The following NRIP1 variants were observed in gnomAD, a reference collection of about 807,000 sequenced individuals.
The protein encoded by NRIP1 is nuclear receptor-interacting protein 1.
In NRIP1, 28 loss-of-function variants were observed where a neutral mutation model predicts 75.0. That is an observed-to-expected ratio of 0.37 (90% CI 0.28 to 0.51). The LOEUF is 0.51. Ranked by LOEUF, NRIP1 falls within the 20% of genes least tolerant of loss-of-function variation. NRIP1 has a pLI of 0.92. For missense variants in NRIP1, 1,435 were observed against 1,343.7 expected, an observed-to-expected ratio of 1.07 and a Z score of -1.06; for synonymous variants, 526 against 487.6, an observed-to-expected ratio of 1.08 and a Z score of -1.04.
intron 3 of NRIP1, among the ~76,000 whole-genome samples, chr21:14,981,537 A>G (rs2822992): frequency 0.17 from 26,050 of 152,050 alleles, 2,408 homozygotes; most frequent in Admixed American, 0.23. Context: ...TTAGAGGATG[A>G]CTCCGGTGTG....
At chr21:15,012,159 T>TA (rs2088118320) in intron 3 of NRIP1, among the ~76,000 whole-genome samples, 1 of 152,182 alleles carries the variant, frequency 6.6e-6, no homozygotes, top group Non-Finnish European at 1.5e-5. Flanking sequence ...TCCTGAGATA[T>TA]ACCAGATCCT....
chr21:14,980,784 CAATT>C (rs1408036060), intron 3 of NRIP1, among the ~76,000 whole-genome samples: 1 of 151,950 alleles, frequency 6.6e-6, no homozygotes, highest in Non-Finnish European at 1.5e-5. Flanking sequence ...TAAATGTTCT[CAATT>C]AGTGGTTTTT....
In NRIP1 at chr21:14,963,896, A is replaced by C. The variant is rs951412816; in HGVS notation, c.*820T>G. Reference sequence around the variant, plus strand: ...GAAAAGCCATTTTGCTTCTGTTAAAAACAATTTCTTAAATATTCAACTTTT... The same window carrying C: ...GAAAAGCCATTTTGCTTCTGTTAAACACAATTTCTTAAATATTCAACTTTT... On this transcript the variant is annotated 3_prime_UTR_variant, in exon 4 of 4. Transcript: ENST00000318948. 16 of 152,702 alleles carry C rather than the reference A, an allele frequency of 1.0e-4. No individual in the cohort carries two copies. The highest frequency in any genetic ancestry group is 8.3e-4 in the South Asian group (4 of 4,830). 9.5% of individuals were successfully genotyped at this position (152,702 alleles called of 1,614,324 possible). A position where few individuals can be genotyped will look rare whatever the true frequency, so the allele number is the denominator to read the frequency against.
At chr21:15,041,305 C>T (rs1048122131) in intron 2 of NRIP1, among the ~76,000 whole-genome samples, 2 of 152,072 alleles carry the variant, frequency 1.3e-5, no homozygotes, top group African/African-American at 2.4e-5. Flanking sequence ...TAGTAAAAGA[C>T]GCCAAAGACT....
chr21:14,967,758 C>G lies in NRIP1; in HGVS notation c.435G>C (p.Gln145His), dbSNP rs758275058. The change falls in exon 4 of 4, where the codon CAG becomes CAC. Residue 145 changes from glutamine to histidine, a missense_variant. Physicochemically the swap from Gln to His is conservative, Grantham distance 24. Transcript: ENST00000318948. ...SLLQSFSSRL[Q>H]TVALSQQIRQ... is the part of the protein sequence containing the mutation. ...TGATTTGTTGTGACAGAGCAACAGT[C>G]TGCAGCCTAGAGCTGAATGACTGAA... The G allele has an allele frequency of 5.6e-6, 9 of 1,614,036 alleles. No homozygotes were observed. In the Admixed American group the frequency reaches 8.3e-5, roughly 15 times the overall value.
chr21:14,985,996 G>C (rs747726197), intron 3 of NRIP1, among the ~76,000 whole-genome samples: 20 of 152,040 alleles, frequency 1.3e-4, no homozygotes, highest in Non-Finnish European at 2.6e-4. Context: ...TGCAAGAAAG[G>C]CTTTTTATTT....
Position 14,976,338 on chromosome 21 carries a change from G to A in NRIP1, c.-334-7812C>T, listed in dbSNP as rs563979079. On this transcript the variant is annotated intron_variant, in intron 3 of 3. Coordinates refer to ENST00000318948, the MANE Select transcript of NRIP1 (RefSeq NM_003489.4). ...ATTCCATGGAATCTTCACCATATGCGTAGATTGATTTGGGGAAAGATCTAA... is the reference window on the plus strand; with the variant it reads ...ATTCCATGGAATCTTCACCATATGCATAGATTGATTTGGGGAAAGATCTAA... Among the ~76,000 whole-genome samples the A allele has an allele frequency of 7.2e-5, 11 of 152,224 alleles. No individual in the cohort carries two copies. The South Asian group carries it at 2.1e-3, about 29-fold the overall frequency.
At chr21:15,015,035 G>A (rs2088193175) in intron 2 of NRIP1, among the ~76,000 whole-genome samples, 2 of 152,066 alleles carry the variant, frequency 1.3e-5, no homozygotes, top group Non-Finnish European at 2.9e-5. Flanking sequence ...ATCAATAGGT[G>A]AATGAATCAT....
chr21:15,001,271 A>T (rs1444502950), intron 3 of NRIP1, among the ~76,000 whole-genome samples: 1 of 152,186 alleles, frequency 6.6e-6, no homozygotes, highest in Non-Finnish European at 1.5e-5. Context: ...TAATCGAAGG[A>T]TCAGGATGGG....
At chr21:15,035,792 G>A (rs536729123) in intron 2 of NRIP1, among the ~76,000 whole-genome samples, 177 of 152,070 alleles carry the variant, frequency 1.2e-3, no homozygotes, top group African/African-American at 3.9e-3. Flanking sequence ...TCCTGACCTC[G>A]TGATCCACCC....
intron 3 of NRIP1, among the ~76,000 whole-genome samples, chr21:15,009,064 G>A (rs1011558931): frequency 1.3e-5 from 2 of 152,180 alleles, no homozygotes; most frequent in African/African-American, 4.8e-5. Flanking sequence ...GAAAGCTGCT[G>A]CTATTAATAG....
At chr21:14,991,598 C>T (rs2087573250) in intron 3 of NRIP1, among the ~76,000 whole-genome samples, 1 of 152,076 alleles carries the variant, frequency 6.6e-6, no homozygotes, top group Non-Finnish European at 1.5e-5. Context: ...CCTTATTTCA[C>T]CTCCCCTATT....
chr21:15,065,433 A>C (rs915058207), upstream of NRIP1, among the ~76,000 whole-genome samples: 16 of 152,024 alleles, frequency 1.1e-4, no homozygotes, highest in Non-Finnish European at 1.5e-5. Flanking sequence ...CTTGGGACCC[A>C]GGCCGAATGC....
At chr21:15,021,200 C>A (rs2043263690) in intron 2 of NRIP1, among the ~76,000 whole-genome samples, 1 of 151,704 alleles carries the variant, frequency 6.6e-6, no homozygotes, top group African/African-American at 2.4e-5. Flanking sequence ...AAAGTGTAAC[C>A]AACAAAAAAA....
rs536488251 is a variant in NRIP1, at chr21:15,050,842, C to G, written c.-537-7268G>C. On this transcript the variant is annotated intron_variant, in intron 1 of 3. Transcript: ENST00000318948. ...CAATCCACAGCGATACCTCCTCTAC[C>G]TGACCCATACACCCAGGAGGCAATA... is the stretch of plus-strand genomic sequence containing the variant. 25 of 456,076 alleles carry G rather than the reference C, an allele frequency of 5.5e-5. No homozygotes were observed. In the East Asian group the frequency reaches 1.7e-3, roughly 30 times the overall value. The allele number at this position is 456,076 out of a possible 1,614,324, so 28.3% of individuals were successfully genotyped here. A position where few individuals can be genotyped will look rare whatever the true frequency, so the allele number is the denominator to read the frequency against.
chr21:14,967,855 T>C lies in NRIP1; in HGVS notation c.338A>G (p.Glu113Gly). 1 of 1,614,076 alleles carries C rather than the reference T, an allele frequency of 6.2e-7. No individual in the cohort carries two copies. Among genetic ancestry groups the C allele is most frequent in the South Asian group, 1.1e-5 (1 of 91,082 alleles). ...DSIMNLNVKK[E>G]ALLAGMVDSV... ...GTCAACCATGCCAGCTAGCAAAGCTTCCTTCTTTACGTTTAAATTCATGAT... is the reference window on the plus strand; with the variant it reads ...GTCAACCATGCCAGCTAGCAAAGCTCCCTTCTTTACGTTTAAATTCATGAT... The change falls in exon 4 of 4, where the codon GAA becomes GGA. Residue 113 changes from glutamate (E) to glycine (G), a missense_variant. Transcript: ENST00000318948.
At chr21:14,980,626 T>TTTTTTTTTTTTTTTTTTTTTG (rs1555881861) in intron 3 of NRIP1, among the ~76,000 whole-genome samples, 2 of 151,562 alleles carry the variant, frequency 1.3e-5, no homozygotes, top group African/African-American at 4.9e-5. Context: ...TCAATGTTCT[T>TTTTTTTTTTTTTTTTTTTTTG]ACTGAAGCAT....
In NRIP1 at chr21:14,967,854, T is replaced by C; in HGVS notation, c.339A>G (p.Glu113=). The change falls in exon 4 of 4, where the codon GAA becomes GAG. Residue 113 remains glutamate, a synonymous_variant. Coordinates refer to ENST00000318948, the MANE Select transcript of NRIP1 (RefSeq NM_003489.4). Reference sequence around the variant, plus strand: ...TGTCAACCATGCCAGCTAGCAAAGCTTCCTTCTTTACGTTTAAATTCATGA... The same window carrying C: ...TGTCAACCATGCCAGCTAGCAAAGCCTCCTTCTTTACGTTTAAATTCATGA... ...DSIMNLNVKK[E]ALLAGMVDSV... 6.2e-7 allele frequency: 1 copy of C among 1,614,100 alleles called. No individual in the cohort carries two copies. The highest frequency in any genetic ancestry group is 8.5e-7 in the Non-Finnish European group (1 of 1,180,022).
Position 14,965,946 on chromosome 21 carries a change from T to C in NRIP1, c.2247A>G (p.Gln749=), listed in dbSNP as rs2086723989. ...CAGATTTTATTTTCACCATCAGTAT[T>C]TGTTCACTTAAAGCTCTCTCTGAGT... The part of the protein sequence containing the change: ...QEHSERALSE[Q]ILMVKIKSEP... The change falls in exon 4 of 4, where the codon CAA becomes CAG. Residue 749 remains glutamine, a synonymous_variant. Transcript: ENST00000318948. 1.2e-6 allele frequency: 2 copies of C among 1,613,980 alleles called. No homozygotes were observed. The highest frequency in any genetic ancestry group is 8.5e-7 in the Non-Finnish European group (1 of 1,179,992).
Sources: allele counts gnomAD v4.1 joint callset (sites outside exome capture counted in the v4.1 genomes callset), GRCh38; gene constraint gnomAD v4.1.1; transcripts MANE v1.5; gene names NCBI Gene and HGNC (gene_info 2026-07-23, HGNC 2026-07-21).